Variants in CNGB1 observed in about 807,000 individuals in gnomAD.
CNGB1 encodes the protein cyclic nucleotide gated channel subunit beta 1.
Under a neutral mutation model 151.7 loss-of-function variants are expected in CNGB1, and 126 were observed. The ratio of observed to expected loss-of-function variants is 0.83; its 90% CI spans 0.72 to 0.96. The LOEUF (loss-of-function observed/expected upper bound fraction) is 0.96. Among genes scored for constraint, CNGB1 ranks in the 40% least tolerant of loss-of-function variants. The pLI is 0.00. For synonymous variants in CNGB1, 623 were observed against 635.1 expected (o/e 0.98, Z 0.29); for missense variants, 1,698 against 1,627.0 (o/e 1.04, Z -0.75).
chr16:57,885,570 CTCTCTCTCTTTCTTTCTT>C (rs1457921622), intron 32 of CNGB1, among the ~76,000 whole-genome samples: 12 of 101,398 alleles, frequency 1.2e-4, no homozygotes, highest in Non-Finnish European at 2.0e-4. Flanking sequence ...CTCTCTCTCT[CTCTCTCTCTTTCTTTCTT>C]TCTTTCTTTC....
chr16:57,937,887 G>T (rs1370005134), intron 16 of CNGB1, among the ~76,000 whole-genome samples: 1 of 152,198 alleles, frequency 6.6e-6, no homozygotes, highest in Non-Finnish European at 1.5e-5. Context: ...CTGGGATGAG[G>T]CCTGGCAGCA....
At position 57,915,268 on chromosome 16, in the gene CNGB1, C is replaced by A; in HGVS notation, c.2285G>T (p.Arg762Leu). 1.2e-6 allele frequency: 2 copies of A among 1,613,690 alleles called. No homozygotes were observed. The highest frequency in any genetic ancestry group is 1.7e-6 in the Non-Finnish European group (2 of 1,179,752). ...TCCTACCTTTAAACAGCGGGGCAGG[C>A]GGAGGAGGGGGTTCACACCGACTTT... ...YLKVGVNPLL[R>L]LPRCLKYMAF... Residue 762 changes from arginine to leucine, a missense_variant, in exon 23 of 33, where the codon CGC (arginine) becomes CTC (leucine). Physicochemically the swap from Arg to Leu is moderately radical, Grantham distance 102. Coordinates refer to ENST00000251102, the MANE Select transcript of CNGB1 (RefSeq NM_001297.5).
At chr16:57,942,351 A>G (rs534718783) in intron 14 of CNGB1, among the ~76,000 whole-genome samples, 2 of 152,310 alleles carry the variant, frequency 1.3e-5, no homozygotes, top group East Asian at 1.9e-4. Flanking sequence ...CCACCAAAAA[A>G]CTGTTAGAAC....
At chr16:57,908,442 G>A (rs1292376130) in intron 25 of CNGB1, among the ~76,000 whole-genome samples, 4 of 152,216 alleles carry the variant, frequency 2.6e-5, no homozygotes, top group Non-Finnish European at 5.9e-5. Context: ...AGGGTGAGGC[G>A]GGCACCCTTC....
At chr16:57,892,748 A>G (rs2149353688) in intron 31 of CNGB1, among the ~76,000 whole-genome samples, 1 of 152,228 alleles carries the variant, frequency 6.6e-6, no homozygotes, top group South Asian at 2.1e-4. Context: ...GCTCCTCCCC[A>G]GGGCCTCTGC....
intron 14 of CNGB1, 97 bp from the exon 15 acceptor site, chr16:57,940,418 G>T: frequency 8.2e-7 from 1 of 1,221,768 alleles, no homozygotes; most frequent in South Asian, 1.3e-5. Flanking sequence ...TGCCAGGAGC[G>T]GAGGGTACAG....
chr16:57,923,462 A>G (rs1470110516), intron 17 of CNGB1, 82 bp from the exon 18 acceptor site: 3 of 1,152,928 alleles, frequency 2.6e-6, no homozygotes, highest in Non-Finnish European at 3.8e-6. Context: ...ATCCCTAAAG[A>G]TCATCTAGAG....
intron 25 of CNGB1, among the ~76,000 whole-genome samples, chr16:57,908,228 C>G (rs7198229): frequency 7.2e-5 from 11 of 152,288 alleles, no homozygotes; most frequent in Non-Finnish European, 1.5e-4. Context: ...CCCCTCGGGG[C>G]AGGGCTCATG....
rs1962195825 is a variant in CNGB1, at chr16:57,959,939, G to A, written c.710C>T (p.Pro237Leu). The change falls in exon 10 of 33, where the codon CCC becomes CTC. Residue 237 changes from proline to leucine, a missense_variant. Pro to Leu is a moderately conservative substitution (Grantham distance 98). Transcript: ENST00000251102. ...PKEAPAPEPQPGSQAQTSSLP... is the reference protein window; with the variant it reads ...PKEAPAPEPQLGSQAQTSSLP... ...GGAGGAGGTCTGGGCCTGGGAGCCG[G>A]GCTGGGGCTCTGGAGCTGGTGCCTC... 3 of 1,586,552 alleles carry A rather than the reference G, an allele frequency of 1.9e-6. No individual in the cohort carries two copies. The African/African-American group carries it at 4.0e-5, about 21-fold the overall frequency.
chr16:57,933,053 C>T (rs194120), intron 16 of CNGB1, among the ~76,000 whole-genome samples: 1 of 152,152 alleles, frequency 6.6e-6, no homozygotes, highest in Non-Finnish European at 1.5e-5. Context: ...GGCAGCCTCC[C>T]GAGTAGCTGG....
intron 12 of CNGB1, among the ~76,000 whole-genome samples, chr16:57,953,494 A>G (rs1962010972): frequency 1.9e-5 from 1 of 52,980 alleles, no homozygotes; most frequent in African/African-American, 2.2e-4. Context: ...GCTCAATCTT[A>G]AAAAAAAAAA....
intron 12 of CNGB1, among the ~76,000 whole-genome samples, chr16:57,953,554 G>A (rs908569786): frequency 1.3e-5 from 2 of 151,124 alleles, no homozygotes; most frequent in Non-Finnish European, 2.9e-5. Context: ...CCTGCTTCCA[G>A]GATCAGCAGG....
At chr16:57,927,180 G>A (rs770562568) in intron 17 of CNGB1, among the ~76,000 whole-genome samples, 43 of 152,058 alleles carry the variant, frequency 2.8e-4, no homozygotes, top group Non-Finnish European at 4.7e-4. Context: ...TTCTTTCCTC[G>A]TCTTACACGG....
At chr16:57,898,065 G>A in intron 29 of CNGB1, 151 bp from the exon 30 acceptor site, 2 of 775,032 alleles carry the variant, frequency 2.6e-6, no homozygotes. Context: ...GTCGTGTGGG[G>A]GCAGTCACTT....
intron 16 of CNGB1, among the ~76,000 whole-genome samples, chr16:57,935,649 C>G (rs1348687122): frequency 1.3e-5 from 2 of 151,754 alleles, no homozygotes; most frequent in Non-Finnish European, 2.9e-5. Context: ...CTCCGTCCCC[C>G]CCCAAAAAAA....
rs563190215 is a variant in CNGB1 at position 57,923,235 on chromosome 16, C to A, written c.1643+38G>T. The stretch of plus-strand genomic sequence containing the variant: ...CCCCCCACATCCCCCACCCTCCCCG[C>A]AGTCTTTCAATTTTCTGAGACCCCA... On this transcript the variant is annotated intron_variant, in intron 18 of 32. Coordinates refer to ENST00000251102, the MANE Select transcript of CNGB1 (RefSeq NM_001297.5). 1.8e-5 allele frequency: 26 copies of A among 1,463,032 alleles called. No individual in the cohort carries two copies. In the East Asian group the frequency reaches 2.6e-4, roughly 15 times the overall value. The allele number at this position is 1,463,032 out of a possible 1,614,324, so 90.6% of individuals were successfully genotyped here. A position where few individuals can be genotyped will look rare whatever the true frequency, so the allele number is the denominator to read the frequency against.
chr16:57,942,187 T>C (rs1460165498), intron 14 of CNGB1, among the ~76,000 whole-genome samples: 1 of 152,128 alleles, frequency 6.6e-6, no homozygotes, highest in African/African-American at 2.4e-5. Context: ...TGGCCCACTC[T>C]CACCACTTCT....
At chr16:57,949,498 C>A in intron 13 of CNGB1, 59 bp from the exon 14 acceptor site, 1 of 1,609,224 alleles carries the variant, frequency 6.2e-7, no homozygotes, top group Non-Finnish European at 8.5e-7. Flanking sequence ...CTGAGTCTAC[C>A]TCCTGCCTCT....
intron 27 of CNGB1, 75 bp from the exon 28 acceptor site, chr16:57,901,700 A>C (rs1263279391): frequency 8.3e-7 from 1 of 1,205,660 alleles, no homozygotes; most frequent in African/African-American, 1.5e-5. Flanking sequence ...CCAAGTGCCC[A>C]CCTACTGGCT....
Sources: gnomAD v4.1 joint callset for allele counts (sites outside exome capture counted in the v4.1 genomes callset) on GRCh38, gnomAD v4.1.1 for gene constraint, MANE v1.5 for transcripts, NCBI Gene and HGNC (gene_info 2026-07-23, HGNC 2026-07-21) for gene names.